POGZ: variants seen among roughly 807,000 people sequenced by gnomAD.
POGZ encodes pogo transposable element derived with ZNF domain.
Under a neutral mutation model 134.6 loss-of-function variants are expected in POGZ, and 17 were observed. The observed-to-expected ratio is 0.13, with a 90% confidence interval of 0.09 to 0.19. The LOEUF is 0.19. Among genes scored for constraint, POGZ ranks in the 10% least tolerant of loss-of-function variants. The pLI, the probability that POGZ is intolerant of heterozygous loss-of-function variation, is 1.00. For missense variants in POGZ, 1,306 were observed against 1,769.7 expected (o/e 0.74, Z 4.70); for synonymous variants, 693 against 657.1 (o/e 1.05, Z -0.84).
chr1:151,407,307 A>C lies in POGZ; in HGVS notation c.2376-16T>G. Reference sequence around the variant, plus strand: ...AACATGATTGCTGAGAAAGACAAAGAAGTGGTATGAGTTACGGAGTTCTGC... The same window carrying C: ...AACATGATTGCTGAGAAAGACAAAGCAGTGGTATGAGTTACGGAGTTCTGC... On this transcript the variant is annotated splice_polypyrimidine_tract_variant and intron_variant, in intron 15 of 18. Transcript: ENST00000271715. 1 of 1,593,926 alleles carries C rather than the reference A, an allele frequency of 6.3e-7. No homozygotes were observed. Among genetic ancestry groups the C allele is most frequent in the Non-Finnish European group, 8.6e-7 (1 of 1,166,222 alleles).
At chr1:151,456,827 C>T (rs1431083210) in intron 1 of POGZ, among the ~76,000 whole-genome samples, 1 of 152,032 alleles carries the variant, frequency 6.6e-6, no homozygotes, top group East Asian at 1.9e-4. Context: ...TGCAGTGAGC[C>T]GAGATAGTGC....
intron 1 of POGZ, among the ~76,000 whole-genome samples, chr1:151,449,581 C>T (rs897737527): frequency 6.6e-5 from 10 of 152,046 alleles, no homozygotes; most frequent in Non-Finnish European, 1.5e-4. Context: ...ACATAAAGAA[C>T]TATCATTTCT....
At chr1:151,416,625 G>GTTTT (rs202238876) in intron 10 of POGZ, among the ~76,000 whole-genome samples, 2 of 139,786 alleles carry the variant, frequency 1.4e-5, no homozygotes, top group Non-Finnish European at 3.1e-5. Context: ...TACTTTTTGG[G>GTTTT]TTTTTTTTTT....
At chr1:151,409,190 AAG>A (rs1654204150) in intron 12 of POGZ, among the ~76,000 whole-genome samples, 1 of 152,222 alleles carries the variant, frequency 6.6e-6, no homozygotes, top group Admixed American at 6.5e-5. Context: ...TTTTTTAAAA[AAG>A]GACAATGTAC....
At chr1:151,451,221 G>C (rs913058351) in intron 1 of POGZ, among the ~76,000 whole-genome samples, 12 of 150,524 alleles carry the variant, frequency 8.0e-5, no homozygotes, top group African/African-American at 2.9e-4. Context: ...TTTTGTCTAT[G>C]GCATTTTTTT....
chr1:151,427,718 A>AT, intron 7 of POGZ, 105 bp downstream of exon 7: 2 of 780,330 alleles, frequency 2.6e-6, no homozygotes, highest in Non-Finnish European at 4.2e-6. Context: ...CAGCAGCTGT[A>AT]TTTTATTTTA....
At chr1:151,438,307 G>A (rs1360462110) in intron 3 of POGZ, among the ~76,000 whole-genome samples, 1 of 151,844 alleles carries the variant, frequency 6.6e-6, no homozygotes, top group Non-Finnish European at 1.5e-5. Context: ...AAATAAATTA[G>A]ACAACTGCAA....
At chr1:151,458,742 C>T (rs1014538696) in intron 1 of POGZ, among the ~76,000 whole-genome samples, 1 of 145,878 alleles carries the variant, frequency 6.9e-6, no homozygotes, top group Non-Finnish European at 1.5e-5. Context: ...GCCGCCCACT[C>T]CTCCGAGACG....
chr1:151,412,750 G>A lies in POGZ; in HGVS notation c.1679-354C>T, dbSNP rs146259725. 9.2e-5 allele frequency among the ~76,000 whole-genome samples: 14 copies of A among 151,906 alleles called. No individual in the cohort carries two copies. In the East Asian group the frequency reaches 1.5e-3, roughly 17 times the overall value. On this transcript the variant is annotated intron_variant, in intron 10 of 18. Transcript: ENST00000271715. Reference sequence around the variant, plus strand: ...GAGCTCAAAATTTAGGCACTATCTCGGATTCCAAACCCTGCATTCTGTCAC... The same window carrying A: ...GAGCTCAAAATTTAGGCACTATCTCAGATTCCAAACCCTGCATTCTGTCAC...
At position 151,404,036 on chromosome 1, in the gene POGZ, T is replaced by C. The variant is rs1374511311; in HGVS notation, c.*766A>G. On this transcript the variant is annotated 3_prime_UTR_variant, in exon 19 of 19. Coordinates refer to ENST00000271715, the MANE Select transcript of POGZ (RefSeq NM_015100.4). ...AGGATCACAAGTGCAAAAAATATTG[T>C]TTATGTCATGTTTTGGAGGGAAGGT... 1.0e-6 allele frequency: 1 copy of C among 985,396 alleles called. No individual in the cohort carries two copies. Among genetic ancestry groups the C allele is most frequent in the Middle Eastern group, 5.2e-4 (1 of 1,914 alleles). 61.0% of individuals were successfully genotyped at this position (985,396 alleles called of 1,614,324 possible).
At chr1:151,435,889 AT>A (rs1013671970) in intron 3 of POGZ, among the ~76,000 whole-genome samples, 5 of 150,600 alleles carry the variant, frequency 3.3e-5, no homozygotes, top group African/African-American at 9.7e-5. Context: ...CAATTCAGTG[AT>A]TTTTTTTTAT....
Position 151,406,468 on chromosome 1 carries a change from A to C in POGZ, c.2571-4T>G. On this transcript the variant is annotated splice_polypyrimidine_tract_variant and splice_region_variant and intron_variant, in intron 18 of 18. Transcript: ENST00000271715. Reference sequence around the variant, plus strand: ...TCGGTCACGAGTCTGGCCATGCCTAAAGGGGTGAGGAGCAAAGAGAAGAGG... The same window carrying C: ...TCGGTCACGAGTCTGGCCATGCCTACAGGGGTGAGGAGCAAAGAGAAGAGG... The C allele has an allele frequency of 6.4e-7, 1 of 1,556,718 alleles. No individual in the cohort carries two copies. The highest frequency in any genetic ancestry group is 8.7e-7 in the Non-Finnish European group (1 of 1,155,878).
At chr1:151,458,102 T>C (rs1244782898) in intron 1 of POGZ, among the ~76,000 whole-genome samples, 1 of 151,962 alleles carries the variant, frequency 6.6e-6, no homozygotes, top group Admixed American at 6.6e-5. Context: ...ACTAAATGAC[T>C]CTAAGGACTC....
intron 1 of POGZ, among the ~76,000 whole-genome samples, chr1:151,447,175 G>C (rs1412684303): frequency 1.3e-5 from 2 of 151,860 alleles, no homozygotes; most frequent in African/African-American, 2.4e-5. Context: ...CACATGAGGT[G>C]AGGAGTTTGA....
intron 7 of POGZ, chr1:151,426,369 T>C (rs1448289469): frequency 6.6e-6 from 1 of 152,114 alleles, no homozygotes; most frequent in Non-Finnish European, 1.5e-5. Flanking sequence ...GTATTTTTAG[T>C]ATAGACGGGG....
In POGZ at chr1:151,404,794, C is replaced by T; in HGVS notation, c.*8G>A. 6.3e-7 allele frequency: 1 copy of T among 1,591,648 alleles called. No homozygotes were observed. The highest frequency in any genetic ancestry group is 2.2e-5 in the East Asian group (1 of 44,730). ...CCCTCACTCCACACCCCCTCATGAC[C>T]CCAACACTCAAATCTCCATCAGATC... On this transcript the variant is annotated 3_prime_UTR_variant, in exon 19 of 19. Transcript: ENST00000271715.
At chr1:151,453,608 T>C (rs1662413050) in intron 1 of POGZ, among the ~76,000 whole-genome samples, 1 of 152,214 alleles carries the variant, frequency 6.6e-6, no homozygotes, top group Non-Finnish European at 1.5e-5. Flanking sequence ...AGGTGGTTTC[T>C]CTATTTTGTA....
chr1:151,441,945 A>G, intron 2 of POGZ, 136 bp downstream of exon 2: 1 of 591,784 alleles, frequency 1.7e-6, no homozygotes, highest in Non-Finnish European at 2.9e-6. Context: ...GCATGGGAAA[A>G]AAGGCAGCAC....
intron 12 of POGZ, 59 bp from the exon 13 acceptor site, chr1:151,408,887 C>T: frequency 6.6e-7 from 1 of 1,516,756 alleles, no homozygotes; most frequent in Non-Finnish European, 9.0e-7. Context: ...AATAAATTTT[C>T]TTTTTTGAGG....
Sources: allele counts gnomAD v4.1 joint callset (sites outside exome capture counted in the v4.1 genomes callset), GRCh38; gene constraint gnomAD v4.1.1; transcripts MANE v1.5; gene names NCBI Gene and HGNC (gene_info 2026-07-23, HGNC 2026-07-21).